DGKG: variants seen among roughly 807,000 people sequenced by gnomAD.
The protein encoded by DGKG is diacylglycerol kinase gamma, also known as DAG kinase gamma.
A neutral mutation model predicts 105.3 loss-of-function variants in DGKG; 78 were observed. The observed-to-expected ratio is 0.74, with a 90% CI of 0.62 to 0.89. DGKG has a LOEUF of 0.89. Among genes scored for constraint, DGKG ranks in the 40% least tolerant of loss-of-function variants. DGKG has a pLI of 0.00. For missense variants in DGKG, 958 were observed against 1,020.1 expected, an observed-to-expected ratio of 0.94 and a Z score of 0.83; for synonymous variants, 346 against 367.1, an observed-to-expected ratio of 0.94 and a Z score of 0.66.
At chr3:186,179,516 T>C (rs1717255946) in intron 22 of DGKG, among the ~76,000 whole-genome samples, 2 of 152,216 alleles carry the variant, frequency 1.3e-5, no homozygotes, top group Admixed American at 1.3e-4. Context: ...AAATAATATC[T>C]ACATTTCCTT....
intron 7 of DGKG, chr3:186,281,105 T>C: frequency 5.4e-6 from 1 of 185,012 alleles, no homozygotes; most frequent in Non-Finnish European, 1.1e-5. Flanking sequence ...TCAAGGCAGA[T>C]TTCTCCTGTC....
At chr3:186,331,082 A>G (rs1725579857) in intron 1 of DGKG, among the ~76,000 whole-genome samples, 2 of 152,238 alleles carry the variant, frequency 1.3e-5, no homozygotes, top group African/African-American at 4.8e-5. Flanking sequence ...TTCGATGCAA[A>G]TATGTATCAC....
chr3:186,179,533 G>A (rs1054351512), intron 22 of DGKG, among the ~76,000 whole-genome samples: 1 of 152,052 alleles, frequency 6.6e-6, no homozygotes, highest in African/African-American at 2.4e-5. Flanking sequence ...CCTTATCCAG[G>A]GAACAAAATC....
At chr3:186,341,066 C>A (rs1726063483) in intron 1 of DGKG, among the ~76,000 whole-genome samples, 1 of 152,184 alleles carries the variant, frequency 6.6e-6, no homozygotes. Context: ...GTGCCTTTTC[C>A]AAGTATTCAA....
At chr3:186,272,182 C>T in intron 11 of DGKG, 73 bp downstream of exon 11, 1 of 1,234,738 alleles carries the variant, frequency 8.1e-7, no homozygotes, top group Non-Finnish European at 1.2e-6. Context: ...CCCTTCCTGC[C>T]CAGGAATCCA....
intron 21 of DGKG, among the ~76,000 whole-genome samples, chr3:186,209,093 CTTTTTTTTTTT>C (rs34226259): frequency 2.2e-5 from 2 of 89,838 alleles, no homozygotes; most frequent in East Asian, 3.2e-4. Flanking sequence ...GTTTACTCTT[CTTTTTTTTTTT>C]TTTTTTTTTT....
intron 3 of DGKG, among the ~76,000 whole-genome samples, chr3:186,302,479 TATATATATA>T (rs1723980690): frequency 1.2e-4 from 1 of 8,504 alleles, no homozygotes; most frequent in Non-Finnish European, 2.5e-4. Flanking sequence ...TATATATATA[TATATATATA>T]TATATATATA....
At chr3:186,273,781 G>A (rs1448992867) in intron 10 of DGKG, among the ~76,000 whole-genome samples, 1 of 152,170 alleles carries the variant, frequency 6.6e-6, no homozygotes, top group Non-Finnish European at 1.5e-5. Flanking sequence ...ATTCACACGT[G>A]CATGTTGGAT....
Position 186,268,849 on chromosome 3 carries a change from C to A in DGKG, c.1068G>T (p.Lys356Asn), listed in dbSNP as rs1198043745. 14 of 1,614,094 alleles carry A rather than the reference C, an allele frequency of 8.7e-6. No individual in the cohort carries two copies. Among genetic ancestry groups the A allele is most frequent in the Non-Finnish European group, 1.2e-5 (14 of 1,180,024 alleles). The change falls in exon 12 of 25, where the codon AAG becomes AAT. Residue 356 changes from lysine to asparagine, a missense_variant. This residue lies in a region of DGKG where 643 missense variants were observed against 619.5 expected (regional missense o/e 1.04). Transcript: ENST00000265022. The stretch of plus-strand genomic sequence containing the variant: ...GCCGCGCGGTGACACTCTGGTAGCA[C>A]TTGATACTTTTGTGGCACCGGTCAC... ...VKCDRCHKSI[K>N]CYQSVTARHC... is the part of the protein sequence containing the mutation.
chr3:186,273,956 C>CTCTGCCT (rs1013000624), intron 10 of DGKG, among the ~76,000 whole-genome samples: 7 of 152,054 alleles, frequency 4.6e-5, no homozygotes, highest in Non-Finnish European at 8.8e-5. Context: ...GCTGCAGCCC[C>CTCTGCCT]TCTGCCTTCT....
rs761075060 is a variant in DGKG at position 186,298,191 on chromosome 3, C to T, written c.183G>A (p.Ala61=). 40 of 1,612,856 alleles carry T rather than the reference C, an allele frequency of 2.5e-5. No homozygotes were observed. Among genetic ancestry groups the T allele is most frequent in the Middle Eastern group, 1.7e-4 (1 of 6,050 alleles). The stretch of plus-strand genomic sequence containing the variant: ...GCTGGGGAAGGTCCACCTCCAGGTA[C>T]GCCCTCATGAACAGCTTGAAGACAT... The part of the protein sequence containing the change: ...SYDVFKLFMR[A]YLEVDLPQPL... The change falls in exon 4 of 25, where the codon GCG becomes GCA. Residue 61 remains alanine (A), a synonymous_variant. Coordinates refer to ENST00000265022, the MANE Select transcript of DGKG (RefSeq NM_001346.3).
At chr3:186,194,461 T>C (rs533414981) in intron 21 of DGKG, among the ~76,000 whole-genome samples, 2 of 152,376 alleles carry the variant, frequency 1.3e-5, no homozygotes, top group East Asian at 3.9e-4. Context: ...ACTCCAGCCC[T>C]GTCGATCCTA....
In DGKG at chr3:186,250,557, C is replaced by CTTTTTTTT. The variant is rs10529645; in HGVS notation, c.1761+1194_1761+1201dup. Among the ~76,000 whole-genome samples the CTTTTTTTT allele has an allele frequency of 2.6e-5, 3 of 116,176 alleles. 1 individual carries two copies. In the Admixed American group the frequency reaches 3.1e-4, roughly 12 times the overall value. 76.2% of individuals were successfully genotyped at this position (116,176 alleles called of 152,430 possible). On this transcript the variant is annotated intron_variant, in intron 19 of 24. Transcript: ENST00000265022. ...CAAATAGTTCAATAATTCTGTCATT[C>CTTTTTTTT]TTTTTTTTTTGAGACAGAGTCTCGC...
intron 1 of DGKG, among the ~76,000 whole-genome samples, chr3:186,325,317 T>C (rs1039838362): frequency 3.3e-5 from 5 of 152,160 alleles, no homozygotes; most frequent in Admixed American, 3.3e-4. Context: ...ACCTGGGTGA[T>C]GGGATCATTC....
chr3:186,260,409 A>C (rs1279496334), intron 16 of DGKG, 30 bp downstream of exon 16: 1 of 1,513,708 alleles, frequency 6.6e-7, no homozygotes, highest in Non-Finnish European at 9.2e-7. Flanking sequence ...GAGGGGGAGA[A>C]ATAAGAGGTA....
intron 2 of DGKG, among the ~76,000 whole-genome samples, chr3:186,308,604 C>T (rs529463751): frequency 5.3e-5 from 8 of 152,272 alleles, no homozygotes; most frequent in African/African-American, 1.9e-4. Flanking sequence ...AAGTTCTAAT[C>T]ATTTCAGGAT....
intron 12 of DGKG, among the ~76,000 whole-genome samples, chr3:186,268,233 C>A (rs1722148971): frequency 6.6e-6 from 1 of 152,152 alleles, no homozygotes; most frequent in Non-Finnish European, 1.5e-5. Context: ...GAGGCTGATA[C>A]CTGGGGAGAA....
intron 1 of DGKG, among the ~76,000 whole-genome samples, chr3:186,323,596 A>C (rs1369881375): frequency 6.6e-6 from 1 of 152,168 alleles, no homozygotes; most frequent in South Asian, 2.1e-4. Context: ...GATCGAGACC[A>C]TCCTGGCCAA....
Position 186,265,313 on chromosome 3 carries a change from C to T in DGKG, c.1210-7G>A. 2 of 1,613,608 alleles carry T rather than the reference C, an allele frequency of 1.2e-6. No individual in the cohort carries two copies. Among genetic ancestry groups the T allele is most frequent in the Non-Finnish European group, 1.7e-6 (2 of 1,179,736 alleles). On this transcript the variant is annotated splice_region_variant and splice_polypyrimidine_tract_variant and intron_variant, in intron 13 of 24. Coordinates refer to ENST00000265022, the MANE Select transcript of DGKG (RefSeq NM_001346.3). ...ACTTCTCACCTGGCCTGTCCTGTGA[C>T]AAGAAAGGAAAGACAAGCATCTTTT...
Sources: allele counts gnomAD v4.1 joint callset (sites outside exome capture counted in the v4.1 genomes callset), GRCh38; gene constraint gnomAD v4.1.1; regional missense constraint gnomAD v4.1.1; transcripts MANE v1.5; gene names NCBI Gene and HGNC (gene_info 2026-07-23, HGNC 2026-07-21).